Variants in SEM1 observed in about 807,000 individuals in gnomAD.
SEM1 encodes the protein SEM1 26S proteasome subunit, also known as 26S proteasome complex subunit SEM1.
SEM1 carries 3 observed loss-of-function variants against 12.7 expected under a neutral mutation model. The ratio of observed to expected loss-of-function variants is 0.24; its 90% CI spans 0.11 to 0.61. The LOEUF (loss-of-function observed/expected upper bound fraction) is 0.61. Among genes scored for constraint, SEM1 ranks in the 20% least tolerant of loss-of-function variants. The probability of loss-of-function intolerance (pLI) is 0.88; values close to 1 mark genes in which losing one functional copy is unlikely to be tolerated. For synonymous variants in SEM1, 30 were observed against 27.8 expected, an observed-to-expected ratio of 1.08 and a Z score of -0.25; for missense variants, 59 against 81.3, an observed-to-expected ratio of 0.73 and a Z score of 1.06.
rs77121838 is a variant in SEM1 at position 96,625,788 on chromosome 7, C to T, written c.171-3145G>A. ...AATTTGGCTACACTTTGGGTTTACA[C>T]GTGGTGTGTAAAATAAAACTGATGC... On this transcript the variant is annotated intron_variant, in intron 2 of 2. Transcript: ENST00000417009. Among the ~76,000 whole-genome samples, 638 of 152,238 alleles carry T rather than the reference C, an allele frequency of 4.2e-3. 2 individuals carry two copies. The highest frequency in any genetic ancestry group is 0.015 in the African/African-American group (603 of 41,518).
chr7:96,533,565 A>G (rs536651251), intron 2 of SEM1, among the ~76,000 whole-genome samples: 1 of 151,950 alleles, frequency 6.6e-6, no homozygotes, highest in Non-Finnish European at 1.5e-5. Context: ...TCAGAAATCC[A>G]TCATAAGCTT....
chr7:96,566,568 A>G (rs997317598), intron 2 of SEM1, among the ~76,000 whole-genome samples: 1 of 151,606 alleles, frequency 6.6e-6, no homozygotes, highest in African/African-American at 2.4e-5. Context: ...TATATAGCAT[A>G]TTACAAATAT....
intron 1 of SEM1, among the ~76,000 whole-genome samples, chr7:96,706,647 A>C (rs1790476759): frequency 6.6e-6 from 1 of 152,002 alleles, no homozygotes; most frequent in African/African-American, 2.4e-5. Flanking sequence ...GATTAAATGA[A>C]CATCCTACCA....
At chr7:96,612,202 C>A (rs1245772965) in intron 2 of SEM1, among the ~76,000 whole-genome samples, 1 of 152,154 alleles carries the variant, frequency 6.6e-6, no homozygotes, top group Admixed American at 6.5e-5. Context: ...AGGCTCAGAG[C>A]AATTAATAGG....
At chr7:96,488,120 AGG>A (rs1394798227) in intron 1 of SEM1, among the ~76,000 whole-genome samples, 4 of 152,142 alleles carry the variant, frequency 2.6e-5, no homozygotes, top group Non-Finnish European at 1.5e-5. Context: ...TGTTAAACCA[AGG>A]GAGAGCATGG....
intron 2 of SEM1, among the ~76,000 whole-genome samples, chr7:96,674,025 A>G (rs1357996448): frequency 6.6e-6 from 1 of 151,938 alleles, no homozygotes; most frequent in Non-Finnish European, 1.5e-5. Context: ...CCGCCAGCCA[A>G]ATTTTTAGAT....
chr7:96,576,053 T>G (rs1806194902), intron 2 of SEM1, among the ~76,000 whole-genome samples: 1 of 152,226 alleles, frequency 6.6e-6, no homozygotes, highest in Non-Finnish European at 1.5e-5. Flanking sequence ...TACCTTCCTG[T>G]GAATTACAGC....
chr7:96,505,823 ACAC>A (rs1289700844), intron 3 of SEM1, among the ~76,000 whole-genome samples: 1 of 152,054 alleles, frequency 6.6e-6, no homozygotes, highest in Non-Finnish European at 1.5e-5. Context: ...TCACCTCTTA[ACAC>A]CATCACCTTG....
At chr7:96,646,727 T>C (rs1460721584) in intron 2 of SEM1, among the ~76,000 whole-genome samples, 2 of 152,162 alleles carry the variant, frequency 1.3e-5, no homozygotes, top group African/African-American at 4.8e-5. Context: ...TTGCACACAA[T>C]GGTGATATAT....
intron 2 of SEM1, among the ~76,000 whole-genome samples, chr7:96,570,291 A>AC (rs887868548): frequency 2.4e-4 from 36 of 151,696 alleles, no homozygotes; most frequent in African/African-American, 8.2e-4. Flanking sequence ...GGTCTGCTGC[A>AC]CCCATCAACC....
chr7:96,617,628 G>A (rs186548119), downstream of SEM1, among the ~76,000 whole-genome samples: 285 of 152,234 alleles, frequency 1.9e-3, 1 homozygote, highest in African/African-American at 6.6e-3. Flanking sequence ...TTCTTAGAGA[G>A]AATGCTTTCA....
intron 2 of SEM1, among the ~76,000 whole-genome samples, chr7:96,681,669 A>G (rs1789616966): frequency 6.6e-6 from 1 of 152,124 alleles, no homozygotes; most frequent in South Asian, 2.1e-4. Flanking sequence ...TGTTTTTGTC[A>G]GGCTTGTCAA....
At position 96,571,474 on chromosome 7, in the gene SEM1, TG is replaced by T. The variant is rs1444057142; in HGVS notation, c.171-64777del. 2.6e-5 allele frequency among the ~76,000 whole-genome samples: 4 copies of T among 151,992 alleles called. No homozygotes were observed. The East Asian group carries it at 5.8e-4, about 22-fold the overall frequency. On this transcript the variant is annotated intron_variant and NMD_transcript_variant, in intron 2 of 3. Transcript: ENST00000466986. ...ATTAAATAGGGAATCCTTTCCCCAT[TG>T]TTTGTTTTTGTCAGGTTTGTCAAAG...
intron 2 of SEM1, among the ~76,000 whole-genome samples, chr7:96,600,512 C>A (rs1466000278): frequency 1.3e-5 from 2 of 152,184 alleles, no homozygotes; most frequent in Non-Finnish European, 2.9e-5. Context: ...TAATCCTCAT[C>A]TATGATGACT....
intron 1 of SEM1, among the ~76,000 whole-genome samples, chr7:96,487,627 A>G (rs1292041182): frequency 1.3e-5 from 2 of 150,044 alleles, no homozygotes; most frequent in East Asian, 3.9e-4. Context: ...TTTGACAGTA[A>G]AGGAACTAAA....
chr7:96,514,401 C>T (rs1804026462), intron 2 of SEM1, among the ~76,000 whole-genome samples: 1 of 151,964 alleles, frequency 6.6e-6, no homozygotes, highest in Admixed American at 6.6e-5. Context: ...CAACATCATA[C>T]TGGAAGTTCT....
chr7:96,663,469 GTC>G (rs1789074112), intron 2 of SEM1, among the ~76,000 whole-genome samples: 1 of 152,142 alleles, frequency 6.6e-6, no homozygotes, highest in South Asian at 2.1e-4. Flanking sequence ...GTGGGGGAGA[GTC>G]TGAGACTATG....
At chr7:96,709,043 G>A (rs1445100930) in intron 1 of SEM1, among the ~76,000 whole-genome samples, 2 of 152,114 alleles carry the variant, frequency 1.3e-5, no homozygotes, top group Non-Finnish European at 2.9e-5. Flanking sequence ...TTGAACTCCT[G>A]ACCTTATGTG....
At chr7:96,589,876 G>A (rs1005552643) in intron 2 of SEM1, among the ~76,000 whole-genome samples, 5 of 152,106 alleles carry the variant, frequency 3.3e-5, no homozygotes, top group Admixed American at 2.6e-4. Flanking sequence ...TTGAGTGACT[G>A]CAGATGACTT....
Sources: gnomAD v4.1 joint callset for allele counts (sites outside exome capture counted in the v4.1 genomes callset) on GRCh38, gnomAD v4.1.1 for gene constraint, MANE v1.5 for transcripts, NCBI Gene and HGNC (gene_info 2026-07-23, HGNC 2026-07-21) for gene names.